Variants in C12orf75 observed in about 807,000 individuals in gnomAD.
C12orf75 encodes chromosome 12 open reading frame 75.
In C12orf75, 4 loss-of-function variants were observed where a neutral mutation model predicts 11.4. That is an observed-to-expected ratio of 0.35 (90% confidence interval 0.17 to 0.80). The LOEUF (loss-of-function observed/expected upper bound fraction) is 0.80. Ranked by LOEUF, C12orf75 falls within the 30% of genes least tolerant of loss-of-function variation. C12orf75 has a pLI of 0.52. For synonymous variants in C12orf75, 30 were observed against 30.0 expected (o/e 1.00, Z 0.00); for missense variants, 89 against 80.4 (o/e 1.11, Z -0.41).
rs149681922 is a variant in C12orf75 at position 105,335,859 on chromosome 12, A to G, written c.46+4922A>G. Among the ~76,000 whole-genome samples the G allele has an allele frequency of 1.6e-4, 25 of 152,348 alleles. No homozygotes were observed. The East Asian group carries it at 4.4e-3, about 27-fold the overall frequency. On this transcript the variant is annotated intron_variant, in intron 1 of 5. Coordinates refer to ENST00000443585, the MANE Select transcript of C12orf75 (RefSeq NM_001145199.2). ...AAATGGATTTTTTGGTTCTTGAAAT[A>G]TATTTGTTGAATGAATGAGTATATT...
chr12:105,357,275 G>A (rs1373484239), intron 2 of C12orf75, among the ~76,000 whole-genome samples: 1 of 152,184 alleles, frequency 6.6e-6, no homozygotes, highest in East Asian at 1.9e-4. Flanking sequence ...AGCTAGAAGT[G>A]GAATTAATAG....
At chr12:105,350,644 T>G (rs1892700456) in intron 2 of C12orf75, among the ~76,000 whole-genome samples, 1 of 152,198 alleles carries the variant, frequency 6.6e-6, no homozygotes. Context: ...CGTGTTGGGT[T>G]TATATCGTAG....
In C12orf75 at chr12:105,362,159, G is replaced by A. The variant is rs1295842289; in HGVS notation, c.72-3648G>A. On this transcript the variant is annotated intron_variant, in intron 2 of 5. Transcript: ENST00000443585. Reference sequence around the variant, plus strand: ...CCCAGCACTTTGGGAGGCCGAGGCGGGCGGATCACGAGGTCAGGAGATCGA... The same window carrying A: ...CCCAGCACTTTGGGAGGCCGAGGCGAGCGGATCACGAGGTCAGGAGATCGA... Among the ~76,000 whole-genome samples the A allele has an allele frequency of 2.0e-5, 3 of 152,042 alleles. No homozygotes were observed. The East Asian group carries it at 5.8e-4, about 29-fold the overall frequency.
intron 4 of C12orf75, 113 bp from the exon 5 acceptor site, chr12:105,367,359 T>C (rs1871504113): frequency 4.8e-6 from 2 of 416,102 alleles, no homozygotes; most frequent in Non-Finnish European, 9.1e-6. Context: ...TTCTGTACTT[T>C]GTGATTTAGA....
Position 105,370,832 on chromosome 12 carries a change from G to A in C12orf75, c.*232G>A, listed in dbSNP as rs1871605710. On this transcript the variant is annotated 3_prime_UTR_variant, in exon 6 of 6. Transcript: ENST00000443585. ...AGTACACTTGTTTATGGAACTTTCT[G>A]TGGCCACCTACGAAAGACAAGTTAA... 1 of 401,232 alleles carries A rather than the reference G, an allele frequency of 2.5e-6. No homozygotes were observed. Among genetic ancestry groups the A allele is most frequent in the Non-Finnish European group, 5.1e-6 (1 of 196,470 alleles). 24.9% of individuals were successfully genotyped at this position (401,232 alleles called of 1,614,324 possible).
intron 1 of C12orf75, among the ~76,000 whole-genome samples, chr12:105,331,975 C>G (rs762315593): frequency 5.9e-5 from 9 of 152,194 alleles, no homozygotes; most frequent in African/African-American, 1.9e-4. Flanking sequence ...TGTCACATCC[C>G]TTAACCCAGA....
chr12:105,350,426 C>T (rs1419040064), intron 2 of C12orf75, among the ~76,000 whole-genome samples: 4 of 152,224 alleles, frequency 2.6e-5, no homozygotes, highest in African/African-American at 7.2e-5. Context: ...TCTGCGACCT[C>T]ATGCTTCTTG....
intron 1 of C12orf75, among the ~76,000 whole-genome samples, chr12:105,344,966 C>T (rs182662925): frequency 1.2e-3 from 168 of 143,780 alleles, no homozygotes; most frequent in African/African-American, 4.0e-3. Flanking sequence ...AATTCTAAGC[C>T]CCCCCCCAAC....
intron 2 of C12orf75, among the ~76,000 whole-genome samples, chr12:105,358,225 A>G (rs141972447): frequency 6.6e-6 from 1 of 152,114 alleles, no homozygotes; most frequent in Non-Finnish European, 1.5e-5. Flanking sequence ...GTGGTTTAAA[A>G]GGTTTTATAG....
At chr12:105,339,842 G>C (rs997126447) in intron 1 of C12orf75, among the ~76,000 whole-genome samples, 43 of 151,806 alleles carry the variant, frequency 2.8e-4, no homozygotes, top group Non-Finnish European at 2.9e-4. Context: ...GGATGGTCTC[G>C]ATCTCCTGAC....
At chr12:105,345,314 C>A (rs1892624138) in intron 1 of C12orf75, among the ~76,000 whole-genome samples, 1 of 151,786 alleles carries the variant, frequency 6.6e-6, no homozygotes, top group Admixed American at 6.6e-5. Context: ...CATGGTGAAA[C>A]CCTGTCTCTA....
At chr12:105,338,087 G>C (rs575795273) in intron 1 of C12orf75, among the ~76,000 whole-genome samples, 318 of 152,256 alleles carry the variant, frequency 2.1e-3, no homozygotes, top group African/African-American at 7.3e-3. Context: ...GCTCCATATA[G>C]ACATGGCTTA....
chr12:105,353,273 T>C (rs1376561258), intron 2 of C12orf75, among the ~76,000 whole-genome samples: 2 of 152,226 alleles, frequency 1.3e-5, no homozygotes, highest in Non-Finnish European at 2.9e-5. Context: ...CCTCAAGTGG[T>C]GACAAACAGG....
intron 4 of C12orf75, among the ~76,000 whole-genome samples, chr12:105,367,086 G>T (rs963657879): frequency 5.9e-5 from 9 of 152,170 alleles, no homozygotes; most frequent in Non-Finnish European, 1.3e-4. Flanking sequence ...ATTGCCTATT[G>T]TATAATTAAA....
chr12:105,351,435 G>T (rs1035823559), intron 2 of C12orf75, among the ~76,000 whole-genome samples: 1 of 152,108 alleles, frequency 6.6e-6, no homozygotes, highest in African/African-American at 2.4e-5. Flanking sequence ...GGAAAGGTCT[G>T]CAATTTTTAC....
Position 105,330,698 on chromosome 12 carries a change from G to C in C12orf75, c.-194G>C, listed in dbSNP as rs1183923594. ...GGGCGAGGGGTGCCGGGTGGTTTCC[G>C]CCCGGCAGCCCGCAGCCCGCTGCGC... On this transcript the variant is annotated 5_prime_UTR_variant, in exon 1 of 6. Coordinates refer to ENST00000443585, the MANE Select transcript of C12orf75 (RefSeq NM_001145199.2). The C allele has an allele frequency of 2.6e-6, 1 of 386,842 alleles. No homozygotes were observed. Among genetic ancestry groups the C allele is most frequent in the East Asian group, 6.6e-5 (1 of 15,134 alleles). 24.0% of individuals were successfully genotyped at this position (386,842 alleles called of 1,614,324 possible).
chr12:105,348,261 A>T (rs1488672475), intron 1 of C12orf75, among the ~76,000 whole-genome samples: 3 of 152,098 alleles, frequency 2.0e-5, no homozygotes, highest in African/African-American at 7.2e-5. Flanking sequence ...GAAAAAATAC[A>T]AAAATTAACC....
At chr12:105,344,969 C>A (rs914754700) in intron 1 of C12orf75, among the ~76,000 whole-genome samples, 1 of 148,638 alleles carries the variant, frequency 6.7e-6, no homozygotes, top group African/African-American at 2.5e-5. Context: ...TCTAAGCCCC[C>A]CCCCAACCAA....
chr12:105,331,205 G>C (rs1363350988), intron 1 of C12orf75, among the ~76,000 whole-genome samples: 1 of 151,920 alleles, frequency 6.6e-6, no homozygotes, highest in Non-Finnish European at 1.5e-5. Context: ...CAGCCGCCGG[G>C]GCTCACCTGC....
Sources: allele counts gnomAD v4.1 joint callset (sites outside exome capture counted in the v4.1 genomes callset), GRCh38; gene constraint gnomAD v4.1.1; transcripts MANE v1.5; gene names NCBI Gene and HGNC (gene_info 2026-07-23, HGNC 2026-07-21).